SYT7: variants seen among roughly 807,000 people sequenced by gnomAD.
SYT7 encodes the protein synaptotagmin 7.
In SYT7, 29 loss-of-function variants were observed where a neutral mutation model predicts 75.1. The observed-to-expected ratio is 0.39, with a 90% CI of 0.29 to 0.53. The LOEUF is 0.53. SYT7 is among the 20% of genes least tolerant of loss of function. SYT7 has a pLI of 0.77. For synonymous variants in SYT7, 376 were observed against 401.7 expected, an observed-to-expected ratio of 0.94 and a Z score of 0.76; for missense variants, 693 against 953.2, an observed-to-expected ratio of 0.73 and a Z score of 3.59.
chr11:61,523,329 G>A lies in SYT7; in HGVS notation c.1757-55C>T. 6.5e-7 allele frequency: 1 copy of A among 1,547,076 alleles called. No homozygotes were observed. Among genetic ancestry groups the A allele is most frequent in the South Asian group, 1.1e-5 (1 of 89,524 alleles). ...GGACCGTGGGGGAGGGACTTCCTAGGATCCTTTTCCCCTTCCAGGAATGGA... is the reference window on the plus strand; with the variant it reads ...GGACCGTGGGGGAGGGACTTCCTAGAATCCTTTTCCCCTTCCAGGAATGGA... On this transcript the variant is annotated intron_variant, in intron 11 of 12. Coordinates refer to ENST00000539008, the MANE Select transcript of SYT7 (RefSeq NM_001365809.2). The surrounding 1 kb of genome is among the most constrained non-coding windows in gnomAD (Gnocchi z 5.0).
Position 61,580,182 on chromosome 11 carries a change from C to G in SYT7, c.31+608G>C, listed in dbSNP as rs2064212269. Among the ~76,000 whole-genome samples, 1 of 151,766 alleles carries G rather than the reference C, an allele frequency of 6.6e-6. No individual in the cohort carries two copies. On this transcript the variant is annotated intron_variant, in intron 1 of 12. Transcript: ENST00000539008. This position sits in a 1 kb window ranked among gnomAD's most constrained non-coding sequence, Gnocchi z 6.1. ...TAGGAGAACATTCTCTTGGCACCCC[C>G]ATTCTCATGAGCCCCTGCTCTCTTT...
chr11:61,546,077 G>A lies in SYT7; in HGVS notation c.526C>T (p.Arg176Trp), dbSNP rs866124917. 15 of 1,532,124 alleles carry A rather than the reference G, an allele frequency of 9.8e-6. 1 individual carries two copies. The highest frequency in any genetic ancestry group is 5.9e-5 in the Admixed American group (3 of 50,782). 94.9% of individuals were successfully genotyped at this position (1,532,124 alleles called of 1,614,324 possible). ...GCGGCCAGGTGGCTCTGCACCGTCC[G>A]CCAGCGGCCTCTCCCCGCCTTGCCA... is the stretch of plus-strand genomic sequence containing the variant. ...SGGKAGRGRW[R>W]TVQSHLAAGK... The change falls in exon 5 of 13, where the codon CGG (arginine) becomes TGG (tryptophan). Residue 176 changes from arginine to tryptophan, a missense_variant. By Grantham distance (101) the Arg-to-Trp change is moderately radical. This residue lies in a region of SYT7 where 487 missense variants were observed against 593.2 expected (regional missense o/e 0.82). Coordinates refer to ENST00000539008, the MANE Select transcript of SYT7 (RefSeq NM_001365809.2). The surrounding 1 kb of genome is among the most constrained non-coding windows in gnomAD (Gnocchi z 7.6).
At position 61,546,998 on chromosome 11, in the gene SYT7, T is replaced by G. The variant is rs943523936; in HGVS notation, c.347+179A>C. On this transcript the variant is annotated intron_variant, in intron 4 of 12. Coordinates refer to ENST00000539008, the MANE Select transcript of SYT7 (RefSeq NM_001365809.2). This position sits in a 1 kb window ranked among gnomAD's most constrained non-coding sequence, Gnocchi z 7.6. ...GGGCAGGCAGGTGGGTTGGGGCAGG[T>G]GGGGTTGCTCGTCTCCATGGTCGGC... Among the ~76,000 whole-genome samples, 19 of 140,716 alleles carry G rather than the reference T, an allele frequency of 1.4e-4. No homozygotes were observed. The highest frequency in any genetic ancestry group is 3.4e-3 in the Middle Eastern group (1 of 292). The allele number at this position is 140,716 out of a possible 152,430, so 92.3% of individuals were successfully genotyped here.
chr11:61,519,816 G>A (rs2135022588), intron 12 of SYT7, among the ~76,000 whole-genome samples: 1 of 152,088 alleles, frequency 6.6e-6, no homozygotes, highest in East Asian at 1.9e-4. Flanking sequence ...TAGTGTTTTT[G>A]TTTGTTTGTT....
chr11:61,519,787 A>C (rs1244881544), intron 12 of SYT7, among the ~76,000 whole-genome samples: 1 of 152,114 alleles, frequency 6.6e-6, no homozygotes, highest in Non-Finnish European at 1.5e-5. Context: ...TTTTCTGTAA[A>C]TCTAAAATTA....
chr11:61,552,992 C>T (rs187492861), intron 2 of SYT7, among the ~76,000 whole-genome samples: 1 of 152,196 alleles, frequency 6.6e-6, no homozygotes, highest in Non-Finnish European at 1.5e-5. Context: ...AGTGTGGAAC[C>T]TGGTACTGGG....
intron 3 of SYT7, among the ~76,000 whole-genome samples, chr11:61,548,875 A>C (rs945879556): frequency 3.3e-5 from 5 of 152,230 alleles, no homozygotes; most frequent in Non-Finnish European, 5.9e-5. Flanking sequence ...TGTCCAGAGT[A>C]GACCTTGGAA....
In SYT7 at chr11:61,524,679, T is replaced by G; in HGVS notation, c.1472-147A>C. On this transcript the variant is annotated intron_variant, in intron 9 of 12. Transcript: ENST00000539008. This position sits in a 1 kb window ranked among gnomAD's most constrained non-coding sequence, Gnocchi z 4.1. Reference sequence around the variant, plus strand: ...GCCAGCAGGCACACCGGATTGCAATTAGACCTTACTGAAGTGCTAGCAAGA... The same window carrying G: ...GCCAGCAGGCACACCGGATTGCAATGAGACCTTACTGAAGTGCTAGCAAGA... 1 of 664,530 alleles carries G rather than the reference T, an allele frequency of 1.5e-6. No individual in the cohort carries two copies. 41.2% of individuals were successfully genotyped at this position (664,530 alleles called of 1,614,324 possible).
intron 5 of SYT7, among the ~76,000 whole-genome samples, chr11:61,543,876 T>A (rs2063114806): frequency 6.6e-6 from 1 of 152,134 alleles, no homozygotes; most frequent in Non-Finnish European, 1.5e-5. Context: ...TTTGGGTGAA[T>A]CATTTCTCAT....
chr11:61,554,837 C>CA (rs759720669), intron 2 of SYT7, among the ~76,000 whole-genome samples: 1 of 152,220 alleles, frequency 6.6e-6, no homozygotes, highest in Non-Finnish European at 1.5e-5. Context: ...CACTTGCACA[C>CA]ATGCACACAC....
intron 1 of SYT7, among the ~76,000 whole-genome samples, chr11:61,561,197 A>C (rs2063628358): frequency 6.6e-6 from 1 of 152,174 alleles, no homozygotes; most frequent in Non-Finnish European, 1.5e-5. Context: ...GCCACAACCT[A>C]TCCTGAGGCA....
chr11:61,539,324 G>A (rs1347904934), intron 6 of SYT7, among the ~76,000 whole-genome samples: 1 of 152,194 alleles, frequency 6.6e-6, no homozygotes, highest in African/African-American at 2.4e-5. Flanking sequence ...GGCATTCTCA[G>A]AGAACCATCG....
rs759152240 is a variant in SYT7 at position 61,518,502 on chromosome 11, C to G, written c.*125G>C. 20 of 624,702 alleles carry G rather than the reference C, an allele frequency of 3.2e-5. No individual in the cohort carries two copies. The highest frequency in any genetic ancestry group is 3.9e-5 in the Non-Finnish European group (15 of 382,372). The allele number at this position is 624,702 out of a possible 1,614,324, so 38.7% of individuals were successfully genotyped here. On this transcript the variant is annotated 3_prime_UTR_variant, in exon 13 of 13. Coordinates refer to ENST00000539008, the MANE Select transcript of SYT7 (RefSeq NM_001365809.2). ...CCCAGTTGAGTCCTGGGACCCCTCC[C>G]TGGCTGAGCCCTCAGGGTCCTCCCC...
At chr11:61,541,174 T>C in intron 6 of SYT7, 1 of 985,650 alleles carries the variant, frequency 1.0e-6, no homozygotes, top group Non-Finnish European at 1.2e-6. Context: ...TCAGAATCCC[T>C]ATATCTTGCC....
chr11:61,566,607 G>T (rs976611177), intron 1 of SYT7, among the ~76,000 whole-genome samples: 6 of 152,224 alleles, frequency 3.9e-5, no homozygotes, highest in Non-Finnish European at 8.8e-5. Flanking sequence ...ACGTCTGTCA[G>T]AGCAGCAGGA....
At chr11:61,570,638 CT>C (rs1455002263) in intron 1 of SYT7, among the ~76,000 whole-genome samples, 2 of 152,214 alleles carry the variant, frequency 1.3e-5, no homozygotes, top group African/African-American at 4.8e-5. Flanking sequence ...CTGAAGACCC[CT>C]CAACATTATC....
At chr11:61,541,319 G>A in intron 6 of SYT7, 1 of 985,368 alleles carries the variant, frequency 1.0e-6, no homozygotes, top group Non-Finnish European at 1.2e-6. Flanking sequence ...CTCACGTTAG[G>A]GCAAAGGAGG....
chr11:61,541,153 C>A, intron 6 of SYT7: 1 of 985,538 alleles, frequency 1.0e-6, no homozygotes, highest in Non-Finnish European at 1.2e-6. Flanking sequence ...CTCCGAGGAA[C>A]TTGCTTGCCT....
intron 7 of SYT7, among the ~76,000 whole-genome samples, chr11:61,534,789 G>A (rs1321558497): frequency 2.6e-5 from 4 of 151,606 alleles, no homozygotes; most frequent in African/African-American, 4.8e-5. Context: ...ACACGCGGGC[G>A]CCCCTCCCAG....
Sources: allele counts gnomAD v4.1 joint callset (sites outside exome capture counted in the v4.1 genomes callset), GRCh38; gene constraint gnomAD v4.1.1; regional missense constraint gnomAD v4.1.1; non-coding constraint Gnocchi (gnomAD v3.1); transcripts MANE v1.5; gene names NCBI Gene and HGNC (gene_info 2026-07-23, HGNC 2026-07-21).